ABCC9: variants seen among roughly 807,000 people sequenced by gnomAD.
ABCC9 encodes ATP binding cassette subfamily C member 9.
Under a neutral mutation model 188.3 loss-of-function variants are expected in ABCC9, and 95 were observed. That is an observed-to-expected ratio of 0.50 (90% CI 0.43 to 0.60). ABCC9 has a LOEUF of 0.60. Ranked by LOEUF, ABCC9 falls within the 20% of genes least tolerant of loss-of-function variation. The pLI is 0.00. For missense variants in ABCC9, 1,102 were observed against 1,876.3 expected, an observed-to-expected ratio of 0.59 and a Z score of 7.62; for synonymous variants, 659 against 652.7, an observed-to-expected ratio of 1.01 and a Z score of -0.15.
intron 4 of ABCC9, among the ~76,000 whole-genome samples, chr12:21,927,989 G>T (rs958113245): frequency 3.9e-5 from 6 of 152,228 alleles, no homozygotes; most frequent in African/African-American, 1.4e-4. Flanking sequence ...CAAGGCCGAG[G>T]TGGGCGGATC....
At chr12:21,841,869 T>G (rs1435450580) in intron 29 of ABCC9, among the ~76,000 whole-genome samples, 1 of 152,212 alleles carries the variant, frequency 6.6e-6, no homozygotes, top group Non-Finnish European at 1.5e-5. Flanking sequence ...GATTTCATTA[T>G]GTTTCATATA....
chr12:21,847,083 T>A (rs61926075), intron 25 of ABCC9, among the ~76,000 whole-genome samples: 3,530 of 152,190 alleles, frequency 0.023, 53 homozygotes, highest in Non-Finnish European at 0.039. Flanking sequence ...ATAAGTAATA[T>A]GTACTGTAAT....
chr12:21,902,468 A>G (rs557826909), intron 12 of ABCC9, among the ~76,000 whole-genome samples: 7 of 152,350 alleles, frequency 4.6e-5, no homozygotes, highest in African/African-American at 1.7e-4. Context: ...TGAAGGAAAT[A>G]GAGACACAAA....
At chr12:21,915,166 G>A (rs1457358045) in intron 7 of ABCC9, among the ~76,000 whole-genome samples, 1 of 150,826 alleles carries the variant, frequency 6.6e-6, no homozygotes, top group Non-Finnish European at 1.5e-5. Flanking sequence ...CTCCCAAAGT[G>A]CTGGGATTAT....
intron 22 of ABCC9, among the ~76,000 whole-genome samples, chr12:21,856,759 A>C (rs1261131570): frequency 1.3e-5 from 2 of 152,212 alleles, no homozygotes; most frequent in African/African-American, 4.8e-5. Context: ...AGGGAGGAAT[A>C]AAGAAAGGAT....
At chr12:21,904,628 A>T (rs1242161468) in intron 12 of ABCC9, among the ~76,000 whole-genome samples, 1 of 152,240 alleles carries the variant, frequency 6.6e-6, no homozygotes, top group Non-Finnish European at 1.5e-5. Context: ...GGGTCTGAAC[A>T]GACACTTCTC....
At chr12:21,875,984 T>C (rs1171373763) in intron 16 of ABCC9, among the ~76,000 whole-genome samples, 1 of 151,990 alleles carries the variant, frequency 6.6e-6, no homozygotes, top group South Asian at 2.1e-4. Context: ...CTCGGGAGGC[T>C]GAGGCTGCAG....
intron 25 of ABCC9, 90 bp from the exon 26 acceptor site, chr12:21,845,922 A>C: frequency 1.0e-6 from 1 of 973,214 alleles, no homozygotes; most frequent in Non-Finnish European, 1.6e-6. Flanking sequence ...AAACATTCAT[A>C]CATTTATAAA....
At chr12:21,844,666 AG>A in intron 27 of ABCC9, 100 bp downstream of exon 27, 1 of 1,572,680 alleles carries the variant, frequency 6.4e-7, no homozygotes, top group Non-Finnish European at 8.7e-7. Context: ...CATTTGCTCA[AG>A]GACTAAAGAA....
At chr12:21,861,923 A>G (rs962005382) in intron 20 of ABCC9, among the ~76,000 whole-genome samples, 2 of 152,138 alleles carry the variant, frequency 1.3e-5, no homozygotes, top group African/African-American at 2.4e-5. Context: ...TCAAGTTCAT[A>G]TAAGGCTGGG....
intron 18 of ABCC9, among the ~76,000 whole-genome samples, chr12:21,864,822 G>A (rs973953727): frequency 1.3e-5 from 2 of 152,066 alleles, no homozygotes; most frequent in Non-Finnish European, 2.9e-5. Context: ...GTTTCATAAG[G>A]ACTCTGTATT....
In ABCC9 at chr12:21,872,718, A is replaced by G; in HGVS notation, c.2105T>C (p.Met702Thr). Residue 702 changes from methionine to threonine, a missense_variant, in exon 18 of 40, where the codon ATG (methionine) becomes ACG (threonine). Coordinates refer to ENST00000261200, the MANE Select transcript of ABCC9 (RefSeq NM_020297.4). ...CCCACATCCTACTTGGCCCACAATC[A>G]TGGTTAACTGACCTAGGAAAGCAAA... Reference protein sequence around the residue: ...DIRIPTGQLTMIVGQVGCGKS... With the variant: ...DIRIPTGQLTTIVGQVGCGKS... 1 of 1,613,430 alleles carries G rather than the reference A, an allele frequency of 6.2e-7. No homozygotes were observed. The highest frequency in any genetic ancestry group is 8.5e-7 in the Non-Finnish European group (1 of 1,179,416).
chr12:21,826,339 A>C (rs1050169792), intron 31 of ABCC9, among the ~76,000 whole-genome samples: 1 of 152,152 alleles, frequency 6.6e-6, no homozygotes, highest in African/African-American at 2.4e-5. Context: ...TTCACACCCT[A>C]GTCTCCAAGG....
intron 15 of ABCC9, among the ~76,000 whole-genome samples, chr12:21,884,170 C>T (rs565362652): frequency 3.0e-4 from 45 of 151,880 alleles, no homozygotes; most frequent in African/African-American, 1.0e-3. Flanking sequence ...CACCGAGGTT[C>T]AAGTGATCCT....
intron 2 of ABCC9, 74 bp from the exon 3 acceptor site, chr12:21,936,768 G>T: frequency 1.8e-6 from 2 of 1,114,158 alleles, no homozygotes; most frequent in Non-Finnish European, 2.7e-6. Flanking sequence ...TTAAAGCCTT[G>T]AATAGAGGGC....
At chr12:21,852,068 C>T (rs774487486) in intron 24 of ABCC9, 29 bp downstream of exon 24, 116 of 1,612,816 alleles carry the variant, frequency 7.2e-5, no homozygotes, top group Non-Finnish European at 9.7e-5. Context: ...GAATTGGGCT[C>T]TGAACTCTTC....
At chr12:21,919,162 A>C (rs561175338) in intron 5 of ABCC9, among the ~76,000 whole-genome samples, 3 of 152,144 alleles carry the variant, frequency 2.0e-5, no homozygotes, top group East Asian at 1.9e-4. Context: ...AGGATCCCCC[A>C]AAAAAGATGA....
intron 21 of ABCC9, 54 bp downstream of exon 21, chr12:21,860,917 A>C: frequency 7.4e-7 from 1 of 1,351,918 alleles, no homozygotes; most frequent in South Asian, 1.2e-5. Context: ...AAAGACAACC[A>C]GAAGACTTTT....
intron 7 of ABCC9, among the ~76,000 whole-genome samples, chr12:21,914,292 C>T (rs539771780): frequency 6.6e-6 from 1 of 152,244 alleles, no homozygotes; most frequent in Admixed American, 6.5e-5. Context: ...ATAGAAAACA[C>T]ATCTACCACT....
Sources: gnomAD v4.1 joint callset for allele counts (sites outside exome capture counted in the v4.1 genomes callset) on GRCh38, gnomAD v4.1.1 for gene constraint, MANE v1.5 for transcripts, NCBI Gene and HGNC (gene_info 2026-07-23, HGNC 2026-07-21) for gene names.